TMTC2: variants seen among roughly 807,000 people sequenced by gnomAD.
The protein encoded by TMTC2 is transmembrane O-mannosyltransferase targeting cadherins 2, also known as protein O-mannosyl-transferase TMTC2.
In TMTC2, 43 loss-of-function variants were observed where a neutral mutation model predicts 82.4. The ratio of observed to expected loss-of-function variants is 0.52; its 90% CI spans 0.41 to 0.67. The LOEUF is 0.67. TMTC2 is among the 30% of genes least tolerant of loss of function. The pLI is 0.00. For synonymous variants in TMTC2, 408 were observed against 381.9 expected, an observed-to-expected ratio of 1.07 and a Z score of -0.80; for missense variants, 919 against 1,012.4, an observed-to-expected ratio of 0.91 and a Z score of 1.25.
chr12:82,922,544 G>A (rs1875457874), intron 3 of TMTC2, among the ~76,000 whole-genome samples: 1 of 150,970 alleles, frequency 6.6e-6, no homozygotes, highest in African/African-American at 2.4e-5. Flanking sequence ...TGCAGTTTCA[G>A]GTTAATCCCT....
At chr12:83,101,456 CCTTT>C (rs1184640711) in intron 11 of TMTC2, among the ~76,000 whole-genome samples, 1 of 152,154 alleles carries the variant, frequency 6.6e-6, no homozygotes, top group Non-Finnish European at 1.5e-5. Flanking sequence ...ACTCTGTCTG[CCTTT>C]CTTTTTGTCT....
intron 9 of TMTC2, among the ~76,000 whole-genome samples, chr12:83,038,601 T>C (rs1881763972): frequency 2.0e-5 from 3 of 152,120 alleles, no homozygotes; most frequent in Admixed American, 2.0e-4. Flanking sequence ...TTCCATTTGA[T>C]GAAATCTTAT....
At chr12:83,041,351 T>G (rs1881888314) in intron 9 of TMTC2, among the ~76,000 whole-genome samples, 2 of 152,252 alleles carry the variant, frequency 1.3e-5, no homozygotes, top group Admixed American at 6.5e-5. Context: ...TGAGGTGACT[T>G]GTGCTGCACT....
intron 4 of TMTC2, among the ~76,000 whole-genome samples, chr12:82,954,139 TC>T (rs748586875): frequency 5.3e-5 from 8 of 152,212 alleles, no homozygotes; most frequent in Non-Finnish European, 1.2e-4. Context: ...ATAGATTTTG[TC>T]ATTTTATTTT....
chr12:82,903,088 G>C (rs899786466), intron 3 of TMTC2, among the ~76,000 whole-genome samples: 1 of 151,942 alleles, frequency 6.6e-6, no homozygotes, highest in African/African-American at 2.4e-5. Flanking sequence ...TTTTACCTTC[G>C]TCATTGCTTC....
chr12:82,780,934 T>C (rs1877874324), intron 1 of TMTC2, among the ~76,000 whole-genome samples: 1 of 152,052 alleles, frequency 6.6e-6, no homozygotes. Flanking sequence ...CAAAGACAAC[T>C]TTTTATTTTA....
At chr12:82,728,764 T>TGTGGAGGCAGAGGC (rs1387059506) in intron 1 of TMTC2, among the ~76,000 whole-genome samples, 35 of 151,920 alleles carry the variant, frequency 2.3e-4, no homozygotes, top group Admixed American at 5.9e-4. Context: ...TGCGGGGAGG[T>TGTGGAGGCAGAGGC]GTGGAGGCAG....
intron 8 of TMTC2, among the ~76,000 whole-genome samples, chr12:83,010,612 A>T (rs1469406310): frequency 6.6e-6 from 1 of 152,170 alleles, no homozygotes; most frequent in Non-Finnish European, 1.5e-5. Context: ...TTCCCTGGTG[A>T]TAGTCATTGT....
chr12:83,053,705 A>G lies in TMTC2; in HGVS notation c.2267+2687A>G, dbSNP rs573234349. 3.9e-5 allele frequency among the ~76,000 whole-genome samples: 6 copies of G among 152,220 alleles called. No individual in the cohort carries two copies. The South Asian group carries it at 1.2e-3, about 32-fold the overall frequency. On this transcript the variant is annotated intron_variant, in intron 10 of 11. Coordinates refer to ENST00000321196, the MANE Select transcript of TMTC2 (RefSeq NM_152588.3). The stretch of plus-strand genomic sequence containing the variant: ...CCCATTCCAGCCACCAGAAATGGAC[A>G]AAGATCTTTCTCTGTAGAATAAGCT...
intron 11 of TMTC2, among the ~76,000 whole-genome samples, chr12:83,119,863 T>G (rs1255693185): frequency 1.3e-5 from 2 of 152,216 alleles, no homozygotes; most frequent in Non-Finnish European, 1.5e-5. Context: ...TATTTTTCTG[T>G]TGGACAAGGC....
At chr12:82,883,198 G>A (rs934122171) in intron 2 of TMTC2, among the ~76,000 whole-genome samples, 8 of 151,790 alleles carry the variant, frequency 5.3e-5, no homozygotes, top group African/African-American at 1.2e-4. Flanking sequence ...ATAAATGGCC[G>A]CATTTTTACC....
At chr12:83,025,624 G>A (rs2137413387) in intron 8 of TMTC2, among the ~76,000 whole-genome samples, 1 of 152,142 alleles carries the variant, frequency 6.6e-6, no homozygotes, top group Non-Finnish European at 1.5e-5. Context: ...GACCTCACAG[G>A]TTAAGGACTC....
chr12:83,050,572 C>A (rs949634875), intron 9 of TMTC2, among the ~76,000 whole-genome samples: 1 of 151,900 alleles, frequency 6.6e-6, no homozygotes, highest in African/African-American at 2.4e-5. Context: ...TGTACATATG[C>A]GTCAGAGACA....
chr12:82,833,281 G>T (rs1869848426), intron 1 of TMTC2, among the ~76,000 whole-genome samples: 1 of 152,180 alleles, frequency 6.6e-6, no homozygotes, highest in African/African-American at 2.4e-5. Flanking sequence ...TAAAGTAGGT[G>T]CTAAAGCCAG....
At chr12:82,934,591 G>A (rs1246317847) in intron 4 of TMTC2, among the ~76,000 whole-genome samples, 1 of 152,136 alleles carries the variant, frequency 6.6e-6, no homozygotes, top group Non-Finnish European at 1.5e-5. Context: ...GTATTCTGTA[G>A]TGTATATGTG....
intron 1 of TMTC2, among the ~76,000 whole-genome samples, chr12:82,806,791 T>G (rs1357394850): frequency 2.0e-5 from 3 of 152,148 alleles, no homozygotes; most frequent in African/African-American, 4.8e-5. Context: ...TTGAGTAGGC[T>G]TCAGAGGAGG....
intron 11 of TMTC2, among the ~76,000 whole-genome samples, chr12:83,125,993 A>G (rs1054387281): frequency 6.6e-6 from 1 of 152,176 alleles, no homozygotes; most frequent in Admixed American, 6.5e-5. Context: ...ATGCACAAGA[A>G]TTGATGGCAG....
chr12:82,746,207 C>T (rs1391697644), intron 1 of TMTC2, among the ~76,000 whole-genome samples: 1 of 152,148 alleles, frequency 6.6e-6, no homozygotes, highest in African/African-American at 2.4e-5. Context: ...AATATTTTTG[C>T]CCATTTGCTC....
At chr12:82,890,747 T>C (rs192424216) in intron 2 of TMTC2, among the ~76,000 whole-genome samples, 2 of 152,112 alleles carry the variant, frequency 1.3e-5, no homozygotes, top group Admixed American at 6.5e-5. Context: ...CTGGACAGAG[T>C]AGTAGAATGT....
Sources: gnomAD v4.1 joint callset for allele counts (sites outside exome capture counted in the v4.1 genomes callset) on GRCh38, gnomAD v4.1.1 for gene constraint, MANE v1.5 for transcripts, NCBI Gene and HGNC (gene_info 2026-07-23, HGNC 2026-07-21) for gene names.